Variants in INTS6 observed in about 807,000 individuals in gnomAD.
INTS6 encodes integrator complex subunit 6.
Under a neutral mutation model 104.9 loss-of-function variants are expected in INTS6, and 16 were observed. That is an observed-to-expected ratio of 0.15 (90% CI 0.10 to 0.23). The LOEUF is 0.23. Among genes scored for constraint, INTS6 ranks in the 10% least tolerant of loss-of-function variants. The pLI, the probability that INTS6 is intolerant of heterozygous loss-of-function variation, is 1.00. For synonymous variants in INTS6, 324 were observed against 358.7 expected, an observed-to-expected ratio of 0.90 and a Z score of 1.09; for missense variants, 584 against 1,062.8, an observed-to-expected ratio of 0.55 and a Z score of 6.26.
At chr13:51,361,249 C>G, downstream of INTS6, 1 of 1,447,384 alleles carries the variant, frequency 6.9e-7, no homozygotes. Context: ...TAATGAGCAA[C>G]TCACATTTTT....
intron 15 of INTS6, among the ~76,000 whole-genome samples, chr13:51,373,793 T>C (rs1323363738): frequency 2.6e-5 from 4 of 152,234 alleles, no homozygotes; most frequent in African/African-American, 9.6e-5. Flanking sequence ...ATGACTGACC[T>C]TCCTTGCTGA....
intron 7 of INTS6, among the ~76,000 whole-genome samples, chr13:51,386,786 T>C (rs1956146971): frequency 6.6e-6 from 1 of 151,818 alleles, no homozygotes; most frequent in African/African-American, 2.4e-5. Flanking sequence ...AAAAAAAGAG[T>C]ACACTAACAC....
intron 4 of INTS6, among the ~76,000 whole-genome samples, chr13:51,414,773 G>C (rs1956753709): frequency 6.6e-6 from 1 of 150,918 alleles, no homozygotes; most frequent in South Asian, 2.1e-4. Flanking sequence ...AGTACTATCA[G>C]GCCTTTATAG....
chr13:51,373,964 T>G (rs1955864383), intron 15 of INTS6, among the ~76,000 whole-genome samples: 1 of 152,248 alleles, frequency 6.6e-6, no homozygotes, highest in Non-Finnish European at 1.5e-5. Flanking sequence ...AGTATTATTT[T>G]GAAAGATTTG....
intron 15 of INTS6, 32 bp downstream of exon 15, chr13:51,374,176 C>A (rs765843311): frequency 1.3e-6 from 2 of 1,551,984 alleles, no homozygotes; most frequent in Admixed American, 3.4e-5. Context: ...CAAAAGGCAG[C>A]AAATAATGTT....
chr13:51,355,973 T>C (rs1955475776), intron 3 of INTS6, among the ~76,000 whole-genome samples: 1 of 152,198 alleles, frequency 6.6e-6, no homozygotes, highest in Admixed American at 6.5e-5. Flanking sequence ...AACATCATAA[T>C]GTGGACTTTT....
chr13:51,347,789 A>G, the INTS6 span, among the ~76,000 whole-genome samples: 6 of 152,272 alleles, frequency 3.9e-5, no homozygotes, highest in South Asian at 1.2e-3. Context: ...GGCTGTCTAC[A>G]GTATGCCCGT....
intron 4 of INTS6, among the ~76,000 whole-genome samples, chr13:51,422,718 C>CT (rs1956917403): frequency 6.6e-6 from 1 of 152,090 alleles, no homozygotes; most frequent in Non-Finnish European, 1.5e-5. Flanking sequence ...TCTTCAATAC[C>CT]TTCCCTGCAA....
chr13:51,440,033 T>C (rs1006386525), intron 3 of INTS6: 1 of 152,062 alleles, frequency 6.6e-6, no homozygotes, highest in Non-Finnish European at 1.5e-5. Flanking sequence ...GGTCAGGAGA[T>C]CAGGAGGTCA....
intron 11 of INTS6, 126 bp downstream of exon 11, chr13:51,379,335 TA>T: frequency 2.3e-6 from 1 of 439,648 alleles, no homozygotes. Context: ...TATATGGCTC[TA>T]AAATGTAATA....
At chr13:51,397,474 G>A (rs138723183) in intron 4 of INTS6, among the ~76,000 whole-genome samples, 109 of 152,296 alleles carry the variant, frequency 7.2e-4, no homozygotes, top group Non-Finnish European at 1.2e-3. Flanking sequence ...AGAAATCTGG[G>A]CCAGCATATT....
At chr13:51,375,230 G>A (rs1443859799) in intron 13 of INTS6, among the ~76,000 whole-genome samples, 1 of 151,672 alleles carries the variant, frequency 6.6e-6, no homozygotes, top group Admixed American at 6.6e-5. Context: ...GCACGTGCCT[G>A]TAATCCCAGC....
intron 4 of INTS6, among the ~76,000 whole-genome samples, chr13:51,408,016 CAAAA>C (rs558667282): frequency 3.0e-5 from 2 of 66,986 alleles, no homozygotes. Flanking sequence ...GACTCGGTCT[CAAAA>C]AAAAAAAAAA....
intron 2 of INTS6, 47 bp from the exon 3 acceptor site, chr13:51,451,221 T>C (rs1322974915): frequency 2.7e-6 from 4 of 1,463,168 alleles, no homozygotes; most frequent in East Asian, 2.4e-5. Context: ...TTTAAAGCCA[T>C]GTACACAGAG....
intron 5 of INTS6, among the ~76,000 whole-genome samples, chr13:51,393,024 C>A (rs1956271049): frequency 6.6e-6 from 1 of 151,696 alleles, no homozygotes; most frequent in Non-Finnish European, 1.5e-5. Flanking sequence ...ACATGAATTA[C>A]TCCATAATGG....
chr13:51,368,842 G>C, intron 16 of INTS6, 97 bp downstream of exon 16: 3 of 1,219,092 alleles, frequency 2.5e-6, no homozygotes, highest in East Asian at 4.7e-5. Context: ...AGAATCATAT[G>C]TATTCTTTTA....
At chr13:51,431,333 A>G (rs1478612354) in intron 3 of INTS6, among the ~76,000 whole-genome samples, 2 of 152,218 alleles carry the variant, frequency 1.3e-5, no homozygotes, top group Non-Finnish European at 2.9e-5. Flanking sequence ...GATAAAATGT[A>G]GAACTGTGTA....
chr13:51,357,428 C>T (rs1955496679), downstream of INTS6, among the ~76,000 whole-genome samples: 1 of 152,134 alleles, frequency 6.6e-6, no homozygotes, highest in Admixed American at 6.5e-5. Flanking sequence ...ATACTGGCCT[C>T]TCCTCTCTTC....
the INTS6 span, chr13:51,347,214 A>T: frequency 6.2e-7 from 1 of 1,613,858 alleles, no homozygotes; most frequent in Non-Finnish European, 8.5e-7. Flanking sequence ...ATGATGCACC[A>T]AACGACCGAG....
Sources: allele counts gnomAD v4.1 joint callset (sites outside exome capture counted in the v4.1 genomes callset), GRCh38; gene constraint gnomAD v4.1.1; transcripts MANE v1.5; gene names NCBI Gene and HGNC (gene_info 2026-07-23, HGNC 2026-07-21).